PIR: variants seen among roughly 807,000 people sequenced by gnomAD.
The protein encoded by PIR is pirin (iron-binding nuclear protein).
Under a neutral mutation model 24.2 loss-of-function variants are expected in PIR, and 22 were observed. That is an observed-to-expected ratio of 0.91 (90% CI 0.65 to 1.30). PIR has a LOEUF of 1.30. Ranked by LOEUF, PIR falls within the 50% of genes most tolerant of loss-of-function variation. The probability of loss-of-function intolerance (pLI) is 0.00; values close to 1 mark genes in which losing one functional copy is unlikely to be tolerated. For synonymous variants in PIR, 80 were observed against 79.6 expected, an observed-to-expected ratio of 1.00 and a Z score of -0.03; for missense variants, 220 against 220.3, an observed-to-expected ratio of 1.00 and a Z score of 0.01.
intron 5 of PIR, among the ~76,000 whole-genome samples, chrX:15,454,513 A>G (rs752744650): frequency 2.7e-5 from 3 of 110,627 alleles, no homozygotes; most frequent in Admixed American, 9.6e-5. Context: ...AAAAACGGTA[A>G]AACTTTGGTT....
chrX:15,439,203 TAC>T (rs1569202764), intron 5 of PIR, among the ~76,000 whole-genome samples: 14 of 112,235 alleles, frequency 1.2e-4, no homozygotes, highest in Non-Finnish European at 5.6e-5. Flanking sequence ...CACTGTCCAA[TAC>T]AGTTGCCACT....
At chrX:15,389,069 T>G (rs917061495) in intron 9 of PIR, among the ~76,000 whole-genome samples, 1 of 111,450 alleles carries the variant, frequency 9.0e-6, no homozygotes, top group Non-Finnish European at 1.9e-5. Context: ...TCAGTTAGAC[T>G]CTTGCTTTTC....
chrX:15,446,045 G>A (rs984685789), intron 5 of PIR, among the ~76,000 whole-genome samples: 1 of 109,321 alleles, frequency 9.1e-6, no homozygotes, highest in Admixed American at 9.7e-5. Flanking sequence ...TAGCCAGGAC[G>A]GTCTCTATCT....
At position 15,385,658 on chromosome X, in the gene PIR, T is replaced by C. The variant is rs1005322055; in HGVS notation, c.761-542A>G. ...AGAGCATCATTTTTTAAAAGTTTTC[T>C]AGGGGTTGGCAAATGTTTGCTAGGA... is the stretch of plus-strand genomic sequence containing the variant. On this transcript the variant is annotated intron_variant, in intron 9 of 9. Transcript: ENST00000380420. Among the ~76,000 whole-genome samples the C allele has an allele frequency of 3.6e-5, 4 of 112,492 alleles. No homozygotes were observed. In the South Asian group the frequency reaches 1.5e-3, roughly 41 times the overall value.
At chrX:15,467,714 G>T (rs759096573) in intron 3 of PIR, among the ~76,000 whole-genome samples, 1 of 111,360 alleles carries the variant, frequency 9.0e-6, no homozygotes, top group Non-Finnish European at 1.9e-5. Context: ...ATTTTTTTAC[G>T]TTGTTCCCAT....
intron 5 of PIR, among the ~76,000 whole-genome samples, chrX:15,439,984 T>TTCTC (rs375353069): frequency 6.9e-4 from 75 of 108,219 alleles, no homozygotes; most frequent in African/African-American, 2.3e-3. Context: ...AGACACAAAT[T>TTCTC]TCTCTCTCTC....
chrX:15,419,388 T>TGTGTG (rs59614558), intron 6 of PIR, among the ~76,000 whole-genome samples: 1 of 94,386 alleles, frequency 1.1e-5, no homozygotes, highest in African/African-American at 4.8e-5. Context: ...TGTGTGTGTG[T>TGTGTG]AAGACAGAGA....
chrX:15,433,538 AAGAAAGAGAGAG>A (rs1382884428), intron 5 of PIR, among the ~76,000 whole-genome samples: 1 of 63,396 alleles, frequency 1.6e-5, no homozygotes, highest in African/African-American at 7.1e-5. Flanking sequence ...GAAAGAAAGA[AAGAAAGAGAGAG>A]AAAGAAAGAA....
intron 3 of PIR, among the ~76,000 whole-genome samples, chrX:15,475,585 T>A (rs1922148448): frequency 9.0e-6 from 1 of 111,710 alleles, no homozygotes; most frequent in African/African-American, 3.3e-5. Context: ...GCACAACACA[T>A]GTTTCTTCCT....
chrX:15,472,754 C>T (rs1323579791), intron 3 of PIR, among the ~76,000 whole-genome samples: 1 of 112,111 alleles, frequency 8.9e-6, no homozygotes, highest in Non-Finnish European at 1.9e-5. Context: ...GTTGTGTAAT[C>T]CTATAAGTAC....
At chrX:15,391,818 C>T (rs1256902958) in intron 8 of PIR, among the ~76,000 whole-genome samples, 1 of 111,638 alleles carries the variant, frequency 9.0e-6, no homozygotes, top group Non-Finnish European at 1.9e-5. Context: ...CTAAGAACGG[C>T]CGCAGCTCCA....
At chrX:15,397,285 C>A (rs1284411054) in intron 8 of PIR, among the ~76,000 whole-genome samples, 164 bp downstream of exon 8, 1 of 111,815 alleles carries the variant, frequency 8.9e-6, no homozygotes, top group Non-Finnish European at 1.9e-5. Context: ...AAAATAAACC[C>A]ATAGAAATAG....
At chrX:15,430,582 A>G (rs2147035976) in intron 5 of PIR, among the ~76,000 whole-genome samples, 1 of 111,469 alleles carries the variant, frequency 9.0e-6, no homozygotes, top group Admixed American at 9.6e-5. Context: ...CCACTCCAAT[A>G]ATGACCACAA....
chrX:15,412,570 G>A (rs1924779514), intron 6 of PIR, among the ~76,000 whole-genome samples: 1 of 111,563 alleles, frequency 9.0e-6, no homozygotes, highest in African/African-American at 3.3e-5. Flanking sequence ...TTCTACACGC[G>A]TAAATTGCAC....
chrX:15,409,793 C>T (rs1431041591), intron 6 of PIR, among the ~76,000 whole-genome samples: 1 of 111,911 alleles, frequency 8.9e-6, no homozygotes, highest in East Asian at 2.8e-4. Flanking sequence ...TAAAAAAACA[C>T]ATTAATTTAA....
intron 3 of PIR, among the ~76,000 whole-genome samples, chrX:15,477,548 A>G (rs1303894793): frequency 1.8e-5 from 2 of 112,080 alleles, no homozygotes; most frequent in Admixed American, 1.9e-4. Context: ...ATACCTGAAT[A>G]AAGTTTATCT....
At chrX:15,455,257 T>C (rs1200922460) in intron 5 of PIR, among the ~76,000 whole-genome samples, 2 of 112,698 alleles carry the variant, frequency 1.8e-5, no homozygotes, top group African/African-American at 6.5e-5. Flanking sequence ...ATCTTTAGCC[T>C]AAATTGACTT....
At chrX:15,458,969 T>A (rs1165464003) in intron 4 of PIR, among the ~76,000 whole-genome samples, 3 of 112,872 alleles carry the variant, frequency 2.7e-5, no homozygotes, top group Non-Finnish European at 5.6e-5. Context: ...TTCACTTTCA[T>A]TGAAATATTA....
At chrX:15,451,841 A>G (rs759433884) in intron 5 of PIR, among the ~76,000 whole-genome samples, 1 of 112,589 alleles carries the variant, frequency 8.9e-6, no homozygotes, top group East Asian at 2.8e-4. Context: ...TGTAGGCCAC[A>G]TGAAAACTGC....
Sources: gnomAD v4.1 joint callset for allele counts (sites outside exome capture counted in the v4.1 genomes callset) on GRCh38, gnomAD v4.1.1 for gene constraint, MANE v1.5 for transcripts, NCBI Gene and HGNC (gene_info 2026-07-23, HGNC 2026-07-21) for gene names.